The following SLC6A6 variants were observed in gnomAD, a reference collection of about 807,000 sequenced individuals.
SLC6A6 encodes the protein solute carrier family 6 member 6, also known as sodium- and chloride-dependent taurine transporter.
In SLC6A6, 16 loss-of-function variants were observed where a neutral mutation model predicts 68.8. The observed-to-expected ratio is 0.23, with a 90% CI of 0.16 to 0.35. The LOEUF (loss-of-function observed/expected upper bound fraction) is 0.35, where lower values mean the gene tolerates loss of function less well. SLC6A6 is among the 10% of genes least tolerant of loss of function. The probability of loss-of-function intolerance (pLI) is 1.00; values close to 1 mark genes in which losing one functional copy is unlikely to be tolerated. For synonymous variants in SLC6A6, 312 were observed against 315.4 expected, an observed-to-expected ratio of 0.99 and a Z score of 0.12; for missense variants, 474 against 802.8, an observed-to-expected ratio of 0.59 and a Z score of 4.95.
At chr3:14,408,956 G>A (rs1164018569) in intron 1 of SLC6A6, among the ~76,000 whole-genome samples, 3 of 152,014 alleles carry the variant, frequency 2.0e-5, no homozygotes, top group African/African-American at 4.8e-5. Flanking sequence ...ACAGGCACCC[G>A]CTACCACGCC....
chr3:14,420,899 G>A (rs1050008304), intron 2 of SLC6A6, among the ~76,000 whole-genome samples: 7 of 152,204 alleles, frequency 4.6e-5, no homozygotes, highest in South Asian at 2.1e-4. Context: ...CCAATTTCCC[G>A]AACTTTTTTG....
At position 14,457,971 on chromosome 3, in the gene SLC6A6, C is replaced by T. The variant is rs538138027; in HGVS notation, c.621C>T (p.Ser207=). 5.0e-5 allele frequency: 80 copies of T among 1,614,158 alleles called. 2 individuals carry two copies. The South Asian group carries it at 7.7e-4, about 16-fold the overall frequency. The change falls in exon 6 of 15, where the codon TCC becomes TCT. Residue 207 remains serine, a synonymous_variant. Transcript: ENST00000622186. The part of the protein sequence containing the change: ...EFWERNVLSL[S]PGIDHPGSLK... ...CAAGGCGCAACGTGCTGAGCTTGTC[C>T]CCTGGAATCGACCACCCAGGCTCTC...
At chr3:14,475,070 C>T (rs961671535) in intron 10 of SLC6A6, among the ~76,000 whole-genome samples, 15 of 152,346 alleles carry the variant, frequency 9.8e-5, no homozygotes, top group East Asian at 1.9e-4. Flanking sequence ...CTTGCTCTGT[C>T]GCCCAGGTTA....
At position 14,445,217 on chromosome 3, in the gene SLC6A6, T is replaced by C. The variant is rs58928676; in HGVS notation, c.230-500T>C. ...GCGGGCGGATCACGAGGTCAGGAGA[T>C]TGAGAACATCCTGACTAACATGGTG... On this transcript the variant is annotated intron_variant, in intron 3 of 14. Transcript: ENST00000622186. Among the ~76,000 whole-genome samples, 359 of 151,280 alleles carry C rather than the reference T, an allele frequency of 2.4e-3. 3 individuals carry two copies. The highest frequency in any genetic ancestry group is 0.014 in the Middle Eastern group (4 of 292).
At chr3:14,459,654 CT>C (rs1700450449) in intron 6 of SLC6A6, among the ~76,000 whole-genome samples, 1 of 152,144 alleles carries the variant, frequency 6.6e-6, no homozygotes, top group Non-Finnish European at 1.5e-5. Context: ...AGCACCTTCA[CT>C]GTGCTACCCC....
chr3:14,418,695 A>G (rs1291155436), intron 2 of SLC6A6, among the ~76,000 whole-genome samples: 1 of 152,182 alleles, frequency 6.6e-6, no homozygotes, highest in East Asian at 1.9e-4. Flanking sequence ...AAAATATGAG[A>G]AATTCATTGA....
chr3:14,460,314 A>G (rs1314958404), intron 6 of SLC6A6, among the ~76,000 whole-genome samples: 1 of 151,976 alleles, frequency 6.6e-6, no homozygotes, highest in Non-Finnish European at 1.5e-5. Context: ...GGAAAAATAT[A>G]TAGGAGTCAA....
intron 1 of SLC6A6, among the ~76,000 whole-genome samples, chr3:14,414,353 G>A (rs1699317488): frequency 6.6e-6 from 1 of 152,150 alleles, no homozygotes; most frequent in South Asian, 2.1e-4. Flanking sequence ...CCTCTGATTG[G>A]CTAGGGCTGG....
In SLC6A6 at chr3:14,450,370, T is replaced by C. The variant is rs61087868; in HGVS notation, c.599+2554T>C. Among the ~76,000 whole-genome samples, 1,775 of 152,210 alleles carry C rather than the reference T, an allele frequency of 0.012. 35 individuals carry two copies. The highest frequency in any genetic ancestry group is 0.041 in the African/African-American group (1,683 of 41,512). On this transcript the variant is annotated intron_variant, in intron 5 of 14. Coordinates refer to ENST00000622186, the MANE Select transcript of SLC6A6 (RefSeq NM_003043.6). This position sits in a 1 kb window ranked among gnomAD's most constrained non-coding sequence, Gnocchi z 4.1. ...CTCCATTTTCTGGCCTGGAAGACAC[T>C]GAGACAGTATTTATCTTTGGAAAGT...
intron 2 of SLC6A6, among the ~76,000 whole-genome samples, chr3:14,440,217 T>C (rs551113188): frequency 6.6e-6 from 1 of 151,902 alleles, no homozygotes; most frequent in African/African-American, 2.4e-5. Flanking sequence ...ACTAGTGGGG[T>C]TGAGTGACTT....
intron 1 of SLC6A6, 132 bp from the exon 2 acceptor site, chr3:14,416,280 A>G (rs1272080863): frequency 2.5e-6 from 1 of 396,292 alleles, no homozygotes; most frequent in Non-Finnish European, 4.4e-6. Context: ...TGGCCTTCCA[A>G]GGGGTTTGGT....
chr3:14,437,423 A>G (rs1699882557), intron 2 of SLC6A6, among the ~76,000 whole-genome samples: 1 of 151,990 alleles, frequency 6.6e-6, no homozygotes, highest in African/African-American at 2.4e-5. Flanking sequence ...ACATCCAGCT[A>G]ATTTTTGTAG....
chr3:14,442,256 T>C (rs1700007156), intron 2 of SLC6A6, among the ~76,000 whole-genome samples: 1 of 152,262 alleles, frequency 6.6e-6, no homozygotes, highest in Admixed American at 6.5e-5. Flanking sequence ...TATTTCAGTG[T>C]TGGCCACCAG....
chr3:14,457,343 G>A (rs1162244738), intron 5 of SLC6A6, among the ~76,000 whole-genome samples: 4 of 152,148 alleles, frequency 2.6e-5, no homozygotes, highest in African/African-American at 9.7e-5. Context: ...ACTTCCCTGG[G>A]CATCTGAACA....
chr3:14,403,083 T>A (rs1449562755), intron 1 of SLC6A6, among the ~76,000 whole-genome samples: 4 of 17,614 alleles, frequency 2.3e-4, no homozygotes, highest in Non-Finnish European at 2.3e-4. Context: ...GGAGAGTGTG[T>A]GTGTGTGTGT....
At chr3:14,484,636 G>C (rs565874980) in intron 14 of SLC6A6, among the ~76,000 whole-genome samples, 12 of 152,216 alleles carry the variant, frequency 7.9e-5, no homozygotes, top group African/African-American at 2.7e-4. Context: ...GCCAAGGAAG[G>C]AAACCACCAA....
At position 14,468,191 on chromosome 3, in the gene SLC6A6, A is replaced by G; in HGVS notation, c.1075A>G (p.Ile359Val). ...CATGGCACAAGAGCAAGGGGTGGACATTGCTGATGTGGCTGAGTCAGGTAC... is the reference window on the plus strand; with the variant it reads ...CATGGCACAAGAGCAAGGGGTGGACGTTGCTGATGTGGCTGAGTCAGGTAC... ...GFMAQEQGVD[I>V]ADVAESGPGL... The change falls in exon 9 of 15, where the codon ATT becomes GTT. Residue 359 changes from isoleucine to valine, a missense_variant. Physicochemically the swap from Ile to Val is conservative, Grantham distance 29. Coordinates refer to ENST00000622186, the MANE Select transcript of SLC6A6 (RefSeq NM_003043.6). The surrounding 1 kb of genome is among the most constrained non-coding windows in gnomAD (Gnocchi z 4.5). 19 of 1,613,752 alleles carry G rather than the reference A, an allele frequency of 1.2e-5. No individual in the cohort carries two copies. Among genetic ancestry groups the G allele is most frequent in the Non-Finnish European group, 1.5e-5 (18 of 1,179,898 alleles).
Position 14,471,844 on chromosome 3 carries a change from G to A in SLC6A6, c.1097-361G>A, listed in dbSNP as rs372235052. Among the ~76,000 whole-genome samples the A allele has an allele frequency of 1.9e-3, 297 of 152,322 alleles. 2 individuals are homozygous for A. The highest frequency in any genetic ancestry group is 3.4e-3 in the Non-Finnish European group (228 of 68,008). ...GCTCCCCCGCCTCCTTCCAGCAAAG[G>A]CTGTCCACTCAATGGCTTTGCTTTG... On this transcript the variant is annotated intron_variant, in intron 9 of 14. Transcript: ENST00000622186.
Position 14,453,336 on chromosome 3 carries a change from C to T in SLC6A6, c.600-4614C>T, listed in dbSNP as rs57433060. Among the ~76,000 whole-genome samples the T allele has an allele frequency of 5.2e-3, 786 of 152,350 alleles. 8 individuals are homozygous for T. Among genetic ancestry groups the T allele is most frequent in the African/African-American group, 0.018 (733 of 41,568 alleles). On this transcript the variant is annotated intron_variant, in intron 5 of 14. Coordinates refer to ENST00000622186, the MANE Select transcript of SLC6A6 (RefSeq NM_003043.6). ...ACAAGAATGCAGCTTACCTCGGAGT[C>T]TCCTCCCTCTGTATGAGACAGACGA...
Sources: gnomAD v4.1 joint callset for allele counts (sites outside exome capture counted in the v4.1 genomes callset) on GRCh38, gnomAD v4.1.1 for gene constraint, Gnocchi (gnomAD v3.1) non-coding constraint, MANE v1.5 for transcripts, NCBI Gene and HGNC (gene_info 2026-07-23, HGNC 2026-07-21) for gene names.